NQO2: variants seen among roughly 807,000 people sequenced by gnomAD.
The protein encoded by NQO2 is ribosyldihydronicotinamide dehydrogenase [quinone].
Under a neutral mutation model 22.0 loss-of-function variants are expected in NQO2, and 18 were observed. The observed-to-expected ratio is 0.82, with a 90% CI of 0.56 to 1.21. The LOEUF is 1.21. Ranked by LOEUF, NQO2 falls within the 50% of genes most tolerant of loss-of-function variation. The probability of loss-of-function intolerance (pLI) is 0.00; values close to 1 mark genes in which losing one functional copy is unlikely to be tolerated. For synonymous variants in NQO2, 106 were observed against 110.8 expected (o/e 0.96, Z 0.28); for missense variants, 267 against 286.9 (o/e 0.93, Z 0.50).
chr6:3,009,174 G>A (rs1023659426), intron 2 of NQO2, among the ~76,000 whole-genome samples: 1 of 152,162 alleles, frequency 6.6e-6, no homozygotes, highest in Admixed American at 6.5e-5. Flanking sequence ...GCCCCGAAGC[G>A]GCCATTTCAG....
At chr6:3,002,038 C>T (rs1258136966) in intron 1 of NQO2, 3 of 173,632 alleles carry the variant, frequency 1.7e-5, no homozygotes, top group African/African-American at 7.2e-5. Context: ...GATTCTTATT[C>T]TTAACCGCTA....
intron 1 of NQO2, among the ~76,000 whole-genome samples, chr6:3,004,917 C>T (rs905057714): frequency 1.3e-5 from 2 of 152,152 alleles, no homozygotes; most frequent in Admixed American, 6.5e-5. Context: ...GTCTCAGCCT[C>T]CCGAGTAGCT....
At chr6:3,015,124 G>A (rs979810235) in intron 4 of NQO2, 17 of 1,296,308 alleles carry the variant, frequency 1.3e-5, no homozygotes, top group Admixed American at 1.1e-4. Context: ...GCTCAGCACC[G>A]AACTCAGTCT....
chr6:3,019,634 C>T lies in NQO2; in HGVS notation c.675C>T (p.Ala225=), dbSNP rs754417978. 2.7e-5 allele frequency: 44 copies of T among 1,610,454 alleles called. No homozygotes were observed. The highest frequency in any genetic ancestry group is 2.1e-4 in the South Asian group (19 of 90,894). ...AGGAAGAGCCCATCCCCTGCACAGC[C>T]CACTGGCACTTCGGGCAATAACTCT... ...IWKEEPIPCT[A]HWHFGQ The change falls in exon 7 of 7, where the codon GCC becomes GCT. Residue 225 remains alanine (A), a synonymous_variant. Transcript: ENST00000380455.
At chr6:3,017,310 G>A (rs1230442010) in intron 6 of NQO2, among the ~76,000 whole-genome samples, 4 of 152,214 alleles carry the variant, frequency 2.6e-5, no homozygotes, top group Non-Finnish European at 4.4e-5. Context: ...CAGCAGAATG[G>A]CCCCAAGGTG....
intron 4 of NQO2, 141 bp downstream of exon 4, chr6:3,012,815 C>G (rs1394213735): frequency 3.7e-6 from 3 of 815,814 alleles, no homozygotes; most frequent in Non-Finnish European, 5.7e-6. Flanking sequence ...AATATTGTAA[C>G]CTGGTTACAA....
In NQO2 at chr6:3,012,544, G is replaced by A. The variant is rs17300141; in HGVS notation, c.173G>A (p.Gly58Asp). 46,329 of 1,613,936 alleles carry A rather than the reference G, an allele frequency of 0.029. 914 individuals carry two copies. Among genetic ancestry groups the A allele is most frequent in the South Asian group, 0.056 (5,073 of 91,034 alleles). Residue 58 changes from glycine to aspartate, a missense_variant and splice_region_variant, in exon 4 of 7, where the codon GGT becomes GAT. Coordinates refer to ENST00000380455, the MANE Select transcript of NQO2 (RefSeq NM_000904.6). ...EPRATDKDIT[G>D]TLSNPEVFNY... ...GAATGTTTGGCCTCTTCCCCGACAG[G>A]TACTCTTTCTAATCCTGAGGTTTTC...
intron 1 of NQO2, among the ~76,000 whole-genome samples, chr6:3,001,632 T>C (rs1288193706): frequency 6.6e-6 from 1 of 152,156 alleles, no homozygotes; most frequent in East Asian, 1.9e-4. Context: ...CTGAATACAC[T>C]GTGAGATGTT....
At chr6:3,018,061 A>T (rs1183693664) in intron 6 of NQO2, among the ~76,000 whole-genome samples, 1 of 152,216 alleles carries the variant, frequency 6.6e-6, no homozygotes, top group Non-Finnish European at 1.5e-5. Flanking sequence ...GTTTGCTATT[A>T]TAAATAGGAT....
chr6:3,006,513 A>G lies in NQO2; in HGVS notation c.-40A>G. The G allele has an allele frequency of 2.5e-6, 4 of 1,612,744 alleles. No homozygotes were observed. The South Asian group carries it at 4.4e-5, about 18-fold the overall frequency. ...GAGACTACGCAGGAAAGCCCCAGCC[A>G]CCCATCAAATCAGAGAGAAGGAATC... On this transcript the variant is annotated 5_prime_UTR_variant, in exon 2 of 7. Coordinates refer to ENST00000380455, the MANE Select transcript of NQO2 (RefSeq NM_000904.6). The surrounding 1 kb of genome is among the most constrained non-coding windows in gnomAD (Gnocchi z 4.0).
chr6:3,011,132 T>G (rs933354657), intron 3 of NQO2, among the ~76,000 whole-genome samples: 6 of 152,134 alleles, frequency 3.9e-5, no homozygotes, highest in African/African-American at 1.4e-4. Context: ...TGACTGAACC[T>G]AACGAGACGG....
At chr6:3,014,103 CAG>C (rs1757242856) in intron 4 of NQO2, among the ~76,000 whole-genome samples, 1 of 152,198 alleles carries the variant, frequency 6.6e-6, no homozygotes, top group Non-Finnish European at 1.5e-5. Flanking sequence ...GAGGGCAAGG[CAG>C]GGGGTGAGCG....
At position 3,006,145 on chromosome 6, in the gene NQO2, G is replaced by A. The variant is rs540833501; in HGVS notation, c.-85-323G>A. Among the ~76,000 whole-genome samples the A allele has an allele frequency of 9.3e-4, 142 of 152,288 alleles. No homozygotes were observed. The highest frequency in any genetic ancestry group is 3.3e-3 in the African/African-American group (139 of 41,556). On this transcript the variant is annotated intron_variant, in intron 1 of 6. Transcript: ENST00000380455. This position sits in a 1 kb window ranked among gnomAD's most constrained non-coding sequence, Gnocchi z 4.0. ...TCCCCCAGCCTTCTGCTCGATCTAC[G>A]GGGAAAACTGGGGAAGGCAGGAAGG...
intron 3 of NQO2, 53 bp from the exon 4 acceptor site, chr6:3,012,490 AT>A: frequency 6.4e-7 from 1 of 1,556,548 alleles, no homozygotes; most frequent in South Asian, 1.1e-5. Flanking sequence ...GATGGTTGGG[AT>A]GGGCTGTGGA....
chr6:3,004,916 T>C (rs1158495610), intron 1 of NQO2, among the ~76,000 whole-genome samples: 1 of 152,154 alleles, frequency 6.6e-6, no homozygotes, highest in African/African-American at 2.4e-5. Context: ...TGTCTCAGCC[T>C]CCCGAGTAGC....
intron 5 of NQO2, 120 bp from the exon 6 acceptor site, chr6:3,016,764 C>T: frequency 6.7e-7 from 1 of 1,498,142 alleles, no homozygotes; most frequent in East Asian, 2.5e-5. Flanking sequence ...TTGTCCATCC[C>T]TGGAGGGTGT....
Position 3,001,531 on chromosome 6 carries a change from A to G in NQO2, c.-86+1446A>G, listed in dbSNP as rs531649194. On this transcript the variant is annotated intron_variant, in intron 1 of 6. Transcript: ENST00000380455. Reference sequence around the variant, plus strand: ...TAGCTGTGCTGTTTATAGTTTTGGGAAAAAAATGGAAATAACCTAAGGTCC... The same window carrying G: ...TAGCTGTGCTGTTTATAGTTTTGGGGAAAAAATGGAAATAACCTAAGGTCC... 1.5e-3 allele frequency among the ~76,000 whole-genome samples: 228 copies of G among 152,212 alleles called. 1 individual carries two copies. The highest frequency in any genetic ancestry group is 4.7e-3 in the African/African-American group (197 of 41,552).
chr6:3,015,048 A>G, intron 4 of NQO2: 2 of 1,240,106 alleles, frequency 1.6e-6, no homozygotes, highest in South Asian at 2.5e-5. Context: ...TCTATGGGAT[A>G]GGGAGATCTT....
chr6:3,003,205 G>C (rs1031229145), intron 1 of NQO2, among the ~76,000 whole-genome samples: 9 of 151,830 alleles, frequency 5.9e-5, no homozygotes, highest in Non-Finnish European at 8.8e-5. Flanking sequence ...TTCCAGACCC[G>C]CCATTTTGGC....
Sources: gnomAD v4.1 joint callset for allele counts (sites outside exome capture counted in the v4.1 genomes callset) on GRCh38, gnomAD v4.1.1 for gene constraint, Gnocchi (gnomAD v3.1) non-coding constraint, MANE v1.5 for transcripts, NCBI Gene and HGNC (gene_info 2026-07-23, HGNC 2026-07-21) for gene names.